Variants in GCC2 observed in about 807,000 individuals in gnomAD.
GCC2 encodes the protein GRIP and coiled-coil domain-containing protein 2.
In GCC2, 120 loss-of-function variants were observed where a neutral mutation model predicts 210.6. That is an observed-to-expected ratio of 0.57 (90% CI 0.49 to 0.66). GCC2 has a LOEUF of 0.66. Among genes scored for constraint, GCC2 ranks in the 30% least tolerant of loss-of-function variants. The pLI, the probability that GCC2 is intolerant of heterozygous loss-of-function variation, is 0.00. For missense variants in GCC2, 1,868 were observed against 1,871.9 expected, an observed-to-expected ratio of 1.00 and a Z score of 0.04; for synonymous variants, 703 against 652.7, an observed-to-expected ratio of 1.08 and a Z score of -1.17.
intron 22 of GCC2, among the ~76,000 whole-genome samples, chr2:108,507,049 G>A (rs1295618404): frequency 4.6e-5 from 7 of 152,050 alleles, no homozygotes; most frequent in Admixed American, 6.6e-5. Context: ...TGGCTCAACC[G>A]GAAATTCAGT....
At chr2:108,472,737 C>T (rs950682744) in intron 6 of GCC2, 90 bp from the exon 7 acceptor site, 1 of 755,972 alleles carries the variant, frequency 1.3e-6, no homozygotes, top group Non-Finnish European at 2.2e-6. Flanking sequence ...TTTTCTTATG[C>T]TTAACATGAT....
chr2:108,449,264 G>A lies in GCC2; in HGVS notation c.-11G>A. Reference sequence around the variant, plus strand: ...GGCGGCTGGTTGCGGGCCGGCGGCGGGCTGGCGGAGATGGAGGTAACTCAG... The same window carrying A: ...GGCGGCTGGTTGCGGGCCGGCGGCGAGCTGGCGGAGATGGAGGTAACTCAG... On this transcript the variant is annotated 5_prime_UTR_variant, in exon 1 of 23. Transcript: ENST00000309863. The A allele has an allele frequency of 6.5e-7, 1 of 1,549,480 alleles. No homozygotes were observed.
intron 12 of GCC2, among the ~76,000 whole-genome samples, chr2:108,483,429 TGGTTAGGCTC>T (rs1681976105): frequency 6.6e-6 from 1 of 152,100 alleles, no homozygotes; most frequent in African/African-American, 2.4e-5. Context: ...TTCACCAATT[TGGTTAGGCTC>T]GTCTGGAACT....
intron 4 of GCC2, among the ~76,000 whole-genome samples, chr2:108,462,165 C>T (rs1423372561): frequency 6.9e-6 from 1 of 144,548 alleles, no homozygotes; most frequent in Non-Finnish European, 1.5e-5. Context: ...TCCTTCTGTT[C>T]TCTCTTTGCT....
chr2:108,482,195 A>G (rs2104476465), intron 10 of GCC2, 92 bp from the exon 11 acceptor site: 2 of 723,152 alleles, frequency 2.8e-6, no homozygotes, highest in Non-Finnish European at 4.7e-6. Flanking sequence ...TTGTCACACT[A>G]TGCCAATATT....
rs746999034 is a variant in GCC2, at chr2:108,481,751, C to T, written c.3115C>T (p.Arg1039Cys). Residue 1039 changes from arginine (R) to cysteine (C), a missense_variant, in exon 10 of 23, where the codon CGT becomes TGT. Arg to Cys is a radical substitution (Grantham distance 180, BLOSUM62 -3). This residue lies in a region of GCC2 where 1,847 missense variants were observed against 1,765.2 expected (regional missense o/e 1.05). Coordinates refer to ENST00000309863, the MANE Select transcript of GCC2 (RefSeq NM_181453.4). ...QSEQLDVEKE[R>C]ANNFEHRIED... ...AGAGCAACTGGATGTGGAAAAAGAA[C>T]GTGCTAATAATTTTGAGCATCGTAT... The T allele has an allele frequency of 8.1e-6, 13 of 1,600,448 alleles. No individual in the cohort carries two copies. In the East Asian group the frequency reaches 2.0e-4, roughly 25 times the overall value.
chr2:108,458,188 T>C (rs899889399), intron 4 of GCC2, among the ~76,000 whole-genome samples: 1 of 152,182 alleles, frequency 6.6e-6, no homozygotes, highest in African/African-American at 2.4e-5. Context: ...ATACGACTTT[T>C]GCCCTTTATT....
At chr2:108,463,754 G>A (rs1183369562) in intron 4 of GCC2, among the ~76,000 whole-genome samples, 2 of 152,186 alleles carry the variant, frequency 1.3e-5, no homozygotes, top group Admixed American at 6.5e-5. Flanking sequence ...GGCAGTGGAT[G>A]TAGCATGGGA....
rs758562754 is a variant in GCC2 at position 108,497,087 on chromosome 2, C to T, written c.4760C>T (p.Ala1587Val). Reference protein sequence around the residue: ...GLLRETEATNAILMEQIKLLK... With the variant: ...GLLRETEATNVILMEQIKLLK... ...CTTCGGGAAACAGAAGCAACCAATG[C>T]AATTCTTATGGAGCAAATTAAGGTG... Residue 1587 changes from alanine (A) to valine (V), a missense_variant, in exon 21 of 23, where the codon GCA becomes GTA. By Grantham distance (64) the Ala-to-Val change is moderately conservative (BLOSUM62 0). Coordinates refer to ENST00000309863, the MANE Select transcript of GCC2 (RefSeq NM_181453.4). 22 of 1,611,862 alleles carry T rather than the reference C, an allele frequency of 1.4e-5. No homozygotes were observed. In the South Asian group the frequency reaches 1.9e-4, roughly 14 times the overall value.
intron 4 of GCC2, among the ~76,000 whole-genome samples, 162 bp from the exon 5 acceptor site, chr2:108,468,818 T>C (rs1011525393): frequency 6.6e-6 from 1 of 152,202 alleles, no homozygotes; most frequent in African/African-American, 2.4e-5. Flanking sequence ...AAATTTCTCT[T>C]ATCCTTATAT....
chr2:108,484,267 T>A lies in GCC2; in HGVS notation c.3569T>A (p.Ile1190Lys). ...NNKIEDLEQEIKIQKQKQETL... is the reference protein window; with the variant it reads ...NNKIEDLEQEKKIQKQKQETL... ...AAGATAGAAGATTTGGAGCAAGAAA[T>A]AAAAATTCAAAAACAGAAACAAGAA... The change falls in exon 13 of 23, where the codon ATA becomes AAA. Residue 1190 changes from isoleucine (I) to lysine (K), a missense_variant. Ile to Lys is a moderately radical substitution (Grantham distance 102, BLOSUM62 -3). Transcript: ENST00000309863. 6.4e-7 allele frequency: 1 copy of A among 1,552,200 alleles called. No homozygotes were observed.
rs992073362 is a variant in GCC2, at chr2:108,471,961, C to A, written c.2632C>A (p.Leu878Ile). 1 of 1,604,112 alleles carries A rather than the reference C, an allele frequency of 6.2e-7. No homozygotes were observed. The change falls in exon 6 of 23, where the codon CTT (leucine) becomes ATT (isoleucine). Residue 878 changes from leucine to isoleucine, a missense_variant. Leu to Ile is a conservative substitution (Grantham distance 5, BLOSUM62 2). Coordinates refer to ENST00000309863, the MANE Select transcript of GCC2 (RefSeq NM_181453.4). ...AAAAACAAGGCTTGAAAATCAGAAT[C>A]TTTTAATTCAAGTTGAAGAAGTATC... The part of the protein sequence containing the change: ...NEKTRLENQN[L>I]LIQVEEVSQT...
At chr2:108,503,096 G>A (rs1340414625) in intron 22 of GCC2, among the ~76,000 whole-genome samples, 2 of 151,626 alleles carry the variant, frequency 1.3e-5, no homozygotes, top group African/African-American at 2.4e-5. Context: ...TGAAGAGAAT[G>A]GCTGGAAATC....
intron 4 of GCC2, among the ~76,000 whole-genome samples, chr2:108,463,947 C>T (rs868128225): frequency 6.6e-5 from 10 of 152,038 alleles, no homozygotes; most frequent in African/African-American, 1.4e-4. Context: ...AGGTTGAGTG[C>T]GCAGGTGCCA....
At chr2:108,475,149 T>C (rs933616113) in intron 7 of GCC2, 25 of 157,000 alleles carry the variant, frequency 1.6e-4, no homozygotes, top group South Asian at 5.9e-4. Context: ...AGTGCACTTA[T>C]GGAGCATAAA....
intron 16 of GCC2, among the ~76,000 whole-genome samples, 182 bp downstream of exon 16, chr2:108,486,830 G>A (rs1450888163): frequency 6.6e-6 from 1 of 152,052 alleles, no homozygotes; most frequent in Non-Finnish European, 1.5e-5. Flanking sequence ...ATCGTAAGTT[G>A]GATCACTTTT....
intron 22 of GCC2, among the ~76,000 whole-genome samples, chr2:108,502,341 A>C (rs1474073502): frequency 6.6e-6 from 1 of 152,158 alleles, no homozygotes; most frequent in African/African-American, 2.4e-5. Flanking sequence ...GGCTCCTATA[A>C]GTTAAGGGTC....
In GCC2 at chr2:108,471,659, A is replaced by T. The variant is rs757883913; in HGVS notation, c.2330A>T (p.Lys777Ile). 8.1e-6 allele frequency: 13 copies of T among 1,613,440 alleles called. No homozygotes were observed. Among genetic ancestry groups the T allele is most frequent in the African/African-American group, 1.3e-5 (1 of 74,916 alleles). The change falls in exon 6 of 23, where the codon AAA becomes ATA. Residue 777 changes from lysine to isoleucine, a missense_variant. Coordinates refer to ENST00000309863, the MANE Select transcript of GCC2 (RefSeq NM_181453.4). ...GAAGTTTCAGAAGACAGTGAAGAGA[A>T]AGATGTTGTTAATGTCCTACAGGCA... ...GSEVSEDSEE[K>I]DVVNVLQAVG...
Position 108,471,446 on chromosome 2 carries a change from G to A in GCC2, c.2117G>A (p.Arg706Lys). ...KLSSEKKQLS[R>K]DLEVFLSQKE... is the part of the protein sequence containing the mutation. ...AGTTCAGAAAAAAAACAGTTGAGTA[G>A]GGATTTGGAGGTTTTTTTGTCTCAA... is the stretch of plus-strand genomic sequence containing the variant. Residue 706 changes from arginine to lysine, a missense_variant, in exon 6 of 23, where the codon AGG (arginine) becomes AAG (lysine). Coordinates refer to ENST00000309863, the MANE Select transcript of GCC2 (RefSeq NM_181453.4). 6.2e-7 allele frequency: 1 copy of A among 1,609,532 alleles called. No individual in the cohort carries two copies. The highest frequency in any genetic ancestry group is 8.5e-7 in the Non-Finnish European group (1 of 1,178,726).
Sources: gnomAD v4.1 joint callset for allele counts (sites outside exome capture counted in the v4.1 genomes callset) on GRCh38, gnomAD v4.1.1 for gene constraint, gnomAD v4.1.1 regional missense constraint, MANE v1.5 for transcripts, NCBI Gene and HGNC (gene_info 2026-07-23, HGNC 2026-07-21) for gene names.